EPHX4: variants seen among roughly 807,000 people sequenced by gnomAD.
The protein encoded by EPHX4 is epoxide hydrolase 4.
EPHX4 carries 31 observed loss-of-function variants against 44.9 expected under a neutral mutation model. The ratio of observed to expected loss-of-function variants is 0.69; its 90% CI spans 0.52 to 0.93. The LOEUF (loss-of-function observed/expected upper bound fraction) is 0.93, where lower values mean the gene tolerates loss of function less well. Among genes scored for constraint, EPHX4 ranks in the 40% least tolerant of loss-of-function variants. The pLI is 0.00. For synonymous variants in EPHX4, 151 were observed against 159.7 expected (o/e 0.95, Z 0.41); for missense variants, 373 against 438.1 (o/e 0.85, Z 1.33).
At chr1:92,045,256 A>G (rs1045958889) in intron 3 of EPHX4, among the ~76,000 whole-genome samples, 1 of 151,506 alleles carries the variant, frequency 6.6e-6, no homozygotes. Flanking sequence ...AAGTGTTGAG[A>G]TTATAGGTGT....
chr1:92,055,651 C>T (rs537807296), intron 6 of EPHX4, among the ~76,000 whole-genome samples: 111 of 152,028 alleles, frequency 7.3e-4, no homozygotes, highest in African/African-American at 2.7e-3. Flanking sequence ...CTGAAGTTCA[C>T]GTATTCTTGT....
chr1:92,034,783 A>G (rs1302931552), intron 2 of EPHX4, among the ~76,000 whole-genome samples: 1 of 151,920 alleles, frequency 6.6e-6, no homozygotes, highest in Non-Finnish European at 1.5e-5. Flanking sequence ...CTGGGATTAC[A>G]AGTGCGCACC....
At chr1:92,031,739 G>C (rs1557880537) in intron 1 of EPHX4, among the ~76,000 whole-genome samples, 1 of 152,084 alleles carries the variant, frequency 6.6e-6, no homozygotes, top group African/African-American at 2.4e-5. Flanking sequence ...TATTCCTGCT[G>C]TTCCCTCTAC....
intron 2 of EPHX4, among the ~76,000 whole-genome samples, chr1:92,035,120 A>AT (rs569980690): frequency 2.2e-4 from 34 of 152,134 alleles, no homozygotes; most frequent in African/African-American, 7.5e-4. Context: ...CTGCATGAAG[A>AT]TTTTTTTCCC....
intron 6 of EPHX4, among the ~76,000 whole-genome samples, chr1:92,062,156 G>A (rs1487661900): frequency 6.6e-6 from 1 of 152,138 alleles, no homozygotes; most frequent in East Asian, 1.9e-4. Context: ...TAGTTTTTGA[G>A]TTTTCATCTC....
At position 92,046,601 on chromosome 1, in the gene EPHX4, C is replaced by T. The variant is rs1003557986; in HGVS notation, c.604+941C>T. On this transcript the variant is annotated intron_variant, in intron 4 of 6. Coordinates refer to ENST00000370383, the MANE Select transcript of EPHX4 (RefSeq NM_173567.5). ...GCCTCAGCCTCCCGAGTAGCTGGGA[C>T]TACAGACACCCGCCACCATGCTTGG... is the stretch of plus-strand genomic sequence containing the variant. Among the ~76,000 whole-genome samples the T allele has an allele frequency of 5.3e-5, 8 of 151,996 alleles. No homozygotes were observed. The East Asian group carries it at 5.8e-4, about 11-fold the overall frequency.
rs146837292 is a variant in EPHX4 at position 92,039,286 on chromosome 1, G to T, written c.318-3537G>T. On this transcript the variant is annotated intron_variant, in intron 2 of 6. Coordinates refer to ENST00000370383, the MANE Select transcript of EPHX4 (RefSeq NM_173567.5). ...TACATCACTGGTTTTGTAGAAGATA[G>T]AGCAGAGGGGAATGAAAGCGACACA... 6.0e-3 allele frequency among the ~76,000 whole-genome samples: 912 copies of T among 152,328 alleles called. 3 individuals carry two copies. Among genetic ancestry groups the T allele is most frequent in the Admixed American group, 0.011 (173 of 15,304 alleles).
At chr1:92,040,530 G>C (rs1413016852) in intron 2 of EPHX4, among the ~76,000 whole-genome samples, 1 of 151,940 alleles carries the variant, frequency 6.6e-6, no homozygotes, top group African/African-American at 2.4e-5. Flanking sequence ...TCTCCATATT[G>C]GTCAGGCTGG....
chr1:92,049,822 G>C (rs1647215492), intron 4 of EPHX4, among the ~76,000 whole-genome samples: 1 of 152,180 alleles, frequency 6.6e-6, no homozygotes, highest in Non-Finnish European at 1.5e-5. Context: ...TATAAGACCA[G>C]GCGTGGTGGC....
rs1688568316 is a variant in EPHX4 at position 92,045,299 on chromosome 1, T to C, written c.476-233T>C. 2.0e-5 allele frequency among the ~76,000 whole-genome samples: 3 copies of C among 152,066 alleles called. No individual in the cohort carries two copies. The South Asian group carries it at 6.2e-4, about 31-fold the overall frequency. On this transcript the variant is annotated intron_variant, in intron 3 of 6. Transcript: ENST00000370383. ...CACACCGGCCTATTTCAGATTTTTT[T>C]TTTTTTAATATGGATTCCTGGGAGA...
intron 2 of EPHX4, among the ~76,000 whole-genome samples, chr1:92,037,754 C>T (rs575175593): frequency 2.6e-5 from 4 of 152,078 alleles, no homozygotes; most frequent in African/African-American, 9.7e-5. Context: ...GCAATCACGG[C>T]GAAAGAGATT....
At chr1:92,060,814 A>T (rs996282080) in intron 6 of EPHX4, among the ~76,000 whole-genome samples, 3 of 152,128 alleles carry the variant, frequency 2.0e-5, no homozygotes, top group Non-Finnish European at 4.4e-5. Flanking sequence ...CCATGCAGAT[A>T]ACTGTTAGAA....
chr1:92,030,630 T>C (rs1688346319), intron 1 of EPHX4, among the ~76,000 whole-genome samples: 1 of 152,136 alleles, frequency 6.6e-6, no homozygotes, highest in African/African-American at 2.4e-5. Flanking sequence ...AGAATAAACC[T>C]GCTCTTTTTC....
intron 6 of EPHX4, among the ~76,000 whole-genome samples, chr1:92,055,987 CAG>C (rs150445133): frequency 3.3e-3 from 484 of 145,742 alleles, no homozygotes; most frequent in Non-Finnish European, 3.2e-3. Context: ...TGTTAATTAG[CAG>C]AGAGAGAGAG....
chr1:92,051,745 G>A (rs1295154882), intron 5 of EPHX4, among the ~76,000 whole-genome samples: 1 of 152,162 alleles, frequency 6.6e-6, no homozygotes. Context: ...CTCATGAGTT[G>A]TCAGCCTATC....
intron 6 of EPHX4, among the ~76,000 whole-genome samples, chr1:92,056,718 C>T (rs1033218210): frequency 6.6e-6 from 1 of 151,096 alleles, no homozygotes; most frequent in Non-Finnish European, 1.5e-5. Flanking sequence ...TGGGCTTAAG[C>T]GATCCTCCCA....
In EPHX4 at chr1:92,063,207, G is replaced by C; in HGVS notation, c.1010G>C (p.Trp337Ser). ...RLTILSEASHWLQQDQPDIVN... is the reference protein window; with the variant it reads ...RLTILSEASHSLQQDQPDIVN... ...ACTATTTTGTCAGAAGCCAGTCATTGGCTTCAGCAAGACCAACCTGACATA... is the reference window on the plus strand; with the variant it reads ...ACTATTTTGTCAGAAGCCAGTCATTCGCTTCAGCAAGACCAACCTGACATA... Residue 337 changes from tryptophan to serine, a missense_variant, in exon 7 of 7, where the codon TGG becomes TCG. Physicochemically the swap from Trp to Ser is radical, Grantham distance 177. Transcript: ENST00000370383. 3 of 1,614,018 alleles carry C rather than the reference G, an allele frequency of 1.9e-6. No homozygotes were observed. The highest frequency in any genetic ancestry group is 2.5e-6 in the Non-Finnish European group (3 of 1,179,974).
chr1:92,052,431 T>G, intron 5 of EPHX4, 79 bp from the exon 6 acceptor site: 2 of 1,363,318 alleles, frequency 1.5e-6, no homozygotes, highest in Non-Finnish European at 2.0e-6. Context: ...ATGACCACCA[T>G]CCCCTTTCCA....
At chr1:92,038,627 G>A (rs575812119) in intron 2 of EPHX4, among the ~76,000 whole-genome samples, 25 of 152,134 alleles carry the variant, frequency 1.6e-4, no homozygotes, top group African/African-American at 5.8e-4. Flanking sequence ...AGGGGCCCAC[G>A]CACCCCAGCT....
Sources: allele counts gnomAD v4.1 joint callset (sites outside exome capture counted in the v4.1 genomes callset), GRCh38; gene constraint gnomAD v4.1.1; transcripts MANE v1.5; gene names NCBI Gene and HGNC (gene_info 2026-07-23, HGNC 2026-07-21).